Variants in LMNTD1 observed in about 807,000 individuals in gnomAD.
LMNTD1 encodes the protein lamin tail domain-containing protein 1.
Under a neutral mutation model 50.9 loss-of-function variants are expected in LMNTD1, and 35 were observed. The observed-to-expected ratio is 0.69, with a 90% confidence interval of 0.53 to 0.91. The LOEUF (loss-of-function observed/expected upper bound fraction) is 0.91. LMNTD1 is among the 40% of genes least tolerant of loss of function. LMNTD1 has a pLI of 0.00. For missense variants in LMNTD1, 470 were observed against 475.5 expected (o/e 0.99, Z 0.11); for synonymous variants, 153 against 161.9 (o/e 0.94, Z 0.42).
chr12:25,565,080 T>A (rs1489319722), intron 1 of LMNTD1, among the ~76,000 whole-genome samples: 2 of 152,170 alleles, frequency 1.3e-5, no homozygotes, highest in Non-Finnish European at 2.9e-5. Context: ...TGGCATATAA[T>A]ATCTTTTTCC....
intron 9 of LMNTD1, among the ~76,000 whole-genome samples, chr12:25,481,277 G>A (rs928738318): frequency 6.6e-6 from 1 of 151,850 alleles, no homozygotes; most frequent in African/African-American, 2.4e-5. Flanking sequence ...CTTCCAACAT[G>A]CTATCTTAAA....
intron 4 of LMNTD1, among the ~76,000 whole-genome samples, chr12:25,539,897 C>A (rs1427767750): frequency 6.6e-6 from 1 of 151,602 alleles, no homozygotes; most frequent in Non-Finnish European, 1.5e-5. Context: ...GGGGATATCA[C>A]CACCGATCCC....
chr12:25,544,086 C>T (rs1176791647), intron 4 of LMNTD1, among the ~76,000 whole-genome samples: 1 of 151,916 alleles, frequency 6.6e-6, no homozygotes, highest in Non-Finnish European at 1.5e-5. Context: ...TGTCAGGCCT[C>T]ATTGGTCTAA....
At chr12:25,546,036 C>T (rs547517211) in intron 4 of LMNTD1, among the ~76,000 whole-genome samples, 1 of 151,582 alleles carries the variant, frequency 6.6e-6, no homozygotes, top group Non-Finnish European at 1.5e-5. Context: ...GTCTTGAACT[C>T]AAGAGCTACT....
chr12:25,590,162 T>C (rs916982200), intron 1 of LMNTD1, among the ~76,000 whole-genome samples: 1 of 152,186 alleles, frequency 6.6e-6, no homozygotes, highest in East Asian at 1.9e-4. Flanking sequence ...AAAGGTAGGA[T>C]AAACAGTCTT....
intron 8 of LMNTD1, among the ~76,000 whole-genome samples, chr12:25,516,935 C>G (rs1186864160): frequency 6.6e-6 from 1 of 151,384 alleles, no homozygotes; most frequent in African/African-American, 2.4e-5. Context: ...GACATTTATG[C>G]AGCCAAAAAA....
At chr12:25,573,295 C>T (rs1280582207) in intron 1 of LMNTD1, among the ~76,000 whole-genome samples, 1 of 152,112 alleles carries the variant, frequency 6.6e-6, no homozygotes, top group African/African-American at 2.4e-5. Flanking sequence ...TTGCCTACTA[C>T]AAGTTCCAGA....
chr12:25,479,019 G>A (rs1938359292), intron 9 of LMNTD1, among the ~76,000 whole-genome samples: 1 of 151,946 alleles, frequency 6.6e-6, no homozygotes, highest in Non-Finnish European at 1.5e-5. Flanking sequence ...ATGCCCTAAG[G>A]GATCTCCTGT....
At chr12:25,530,977 A>C (rs774487488) in intron 4 of LMNTD1, among the ~76,000 whole-genome samples, 11 of 152,192 alleles carry the variant, frequency 7.2e-5, no homozygotes, top group Non-Finnish European at 1.3e-4. Flanking sequence ...GTCAGAGAGA[A>C]TCCAAGCACG....
At chr12:25,608,607 G>A (rs1946173438) in intron 1 of LMNTD1, among the ~76,000 whole-genome samples, 1 of 152,166 alleles carries the variant, frequency 6.6e-6, no homozygotes, top group Admixed American at 6.5e-5. Flanking sequence ...AGTTTGGCTG[G>A]ATATGAAATT....
At chr12:25,558,287 T>C (rs1276968044) in intron 1 of LMNTD1, among the ~76,000 whole-genome samples, 3 of 152,234 alleles carry the variant, frequency 2.0e-5, no homozygotes, top group Non-Finnish European at 2.9e-5. Flanking sequence ...GTTTCTGCTC[T>C]GATCTTTATT....
intron 1 of LMNTD1, among the ~76,000 whole-genome samples, chr12:25,610,646 G>C (rs979846799): frequency 6.6e-6 from 1 of 152,162 alleles, no homozygotes; most frequent in Non-Finnish European, 1.5e-5. Context: ...GCAATGAGAG[G>C]CTGAATTGAA....
At chr12:25,601,516 A>C (rs577900776) in intron 1 of LMNTD1, among the ~76,000 whole-genome samples, 1 of 152,078 alleles carries the variant, frequency 6.6e-6, no homozygotes, top group Admixed American at 6.6e-5. Context: ...TGGATACCCC[A>C]TTTTACATGA....
intron 1 of LMNTD1, among the ~76,000 whole-genome samples, chr12:25,594,923 G>T (rs538998053): frequency 6.6e-6 from 1 of 152,056 alleles, no homozygotes; most frequent in Admixed American, 6.6e-5. Flanking sequence ...AAGCCAGCAG[G>T]TGTACTATTC....
intron 1 of LMNTD1, among the ~76,000 whole-genome samples, chr12:25,637,910 CA>C (rs1946870433): frequency 6.6e-6 from 1 of 151,604 alleles, no homozygotes; most frequent in South Asian, 2.1e-4. Flanking sequence ...ACAAGAAAAC[CA>C]CAGACTAATA....
intron 1 of LMNTD1, among the ~76,000 whole-genome samples, chr12:25,626,195 C>A (rs115286030): frequency 0.018 from 2,760 of 152,222 alleles, 81 homozygotes; most frequent in African/African-American, 0.063. Flanking sequence ...ATATCAAATT[C>A]CTTTTTAAAA....
intron 1 of LMNTD1, among the ~76,000 whole-genome samples, chr12:25,627,611 T>A (rs144418021): frequency 6.6e-6 from 1 of 151,476 alleles, no homozygotes; most frequent in Non-Finnish European, 1.5e-5. Context: ...TTCACCTAAA[T>A]TTTCCAGGTT....
upstream of LMNTD1, among the ~76,000 whole-genome samples, chr12:25,554,716 AG>A (rs757319682): frequency 5.3e-4 from 80 of 152,286 alleles, no homozygotes; most frequent in Middle Eastern, 3.4e-3. Flanking sequence ...CTTAGTAAAT[AG>A]TGTTCCCACA....
chr12:25,647,807 C>A (rs1947105918), intron 1 of LMNTD1, among the ~76,000 whole-genome samples: 1 of 152,074 alleles, frequency 6.6e-6, no homozygotes, highest in Non-Finnish European at 1.5e-5. Flanking sequence ...CTCTAGTTGA[C>A]CAAAATGGTT....
Sources: gnomAD v4.1 joint callset for allele counts (sites outside exome capture counted in the v4.1 genomes callset) on GRCh38, gnomAD v4.1.1 for gene constraint, MANE v1.5 for transcripts, NCBI Gene and HGNC (gene_info 2026-07-23, HGNC 2026-07-21) for gene names.